The following NAALAD2 variants were observed in gnomAD, a reference collection of about 807,000 sequenced individuals.
The protein encoded by NAALAD2 is N-acetylated alpha-linked acidic dipeptidase 2, also known as N-acetylated-alpha-linked acidic dipeptidase 2.
Under a neutral mutation model 95.6 loss-of-function variants are expected in NAALAD2, and 89 were observed. The ratio of observed to expected loss-of-function variants is 0.93; its 90% CI spans 0.78 to 1.11. The LOEUF (loss-of-function observed/expected upper bound fraction) is 1.11, where lower values mean the gene tolerates loss of function less well. Ranked by LOEUF, NAALAD2 falls within the 50% of genes least tolerant of loss-of-function variation. NAALAD2 has a pLI of 0.00. For missense variants in NAALAD2, 894 were observed against 872.4 expected (o/e 1.02, Z -0.31); for synonymous variants, 264 against 294.4 (o/e 0.90, Z 1.06).
At position 90,177,941 on chromosome 11, in the gene NAALAD2, A is replaced by T; in HGVS notation, c.1682A>T (p.Lys561Ile). 6.2e-7 allele frequency: 1 copy of T among 1,613,972 alleles called. No homozygotes were observed. The highest frequency in any genetic ancestry group is 8.5e-7 in the Non-Finnish European group (1 of 1,179,972). ...LVEKFYDPTF[K>I]KQLSVAQLRG... The stretch of plus-strand genomic sequence containing the variant: ...GAGAAATTTTATGACCCCACATTTA[A>T]AAAACAACTTTCTGTGGCTCAATTA... The change falls in exon 16 of 19, where the codon AAA (lysine) becomes ATA (isoleucine). Residue 561 changes from lysine (K) to isoleucine (I), a missense_variant. Lys to Ile is a moderately radical substitution (Grantham distance 102). Coordinates refer to ENST00000534061, the MANE Select transcript of NAALAD2 (RefSeq NM_005467.4).
At chr11:90,135,442 T>A (rs1951430198) in intron 1 of NAALAD2, 117 bp from the exon 2 acceptor site, 7 of 522,138 alleles carry the variant, frequency 1.3e-5, no homozygotes, top group Middle Eastern at 3.0e-4. Context: ...CTCACCATGA[T>A]CTACTTGTCA....
intron 4 of NAALAD2, among the ~76,000 whole-genome samples, chr11:90,149,451 T>C (rs1565516382): frequency 6.6e-6 from 1 of 152,172 alleles, no homozygotes; most frequent in Non-Finnish European, 1.5e-5. Context: ...TTTGTTTTTT[T>C]GAGACAGAGT....
At chr11:90,138,266 T>C (rs749405072) in intron 2 of NAALAD2, among the ~76,000 whole-genome samples, 1 of 152,056 alleles carries the variant, frequency 6.6e-6, no homozygotes, top group East Asian at 1.9e-4. Flanking sequence ...AGTCTTCACA[T>C]TGAGTAGGCT....
At chr11:90,155,032 T>C (rs1238807671) in intron 6 of NAALAD2, among the ~76,000 whole-genome samples, 1 of 123,554 alleles carries the variant, frequency 8.1e-6, no homozygotes, top group East Asian at 2.1e-4. Context: ...ACATAATATG[T>C]ATATATGTGT....
chr11:90,190,204 A>ACAG (rs1338119016), intron 18 of NAALAD2, among the ~76,000 whole-genome samples: 5 of 151,506 alleles, frequency 3.3e-5, no homozygotes, highest in African/African-American at 1.2e-4. Context: ...GATTCTCACA[A>ACAG]TTCTTTTAGA....
At chr11:90,164,161 A>C in intron 11 of NAALAD2, 1 of 154,068 alleles carries the variant, frequency 6.5e-6, no homozygotes, top group Non-Finnish European at 1.4e-5. Flanking sequence ...TAATTCTGTG[A>C]ATTGAATTAC....
At chr11:90,159,435 TTTTCTC>T (rs1313662469) in intron 8 of NAALAD2, 98 bp downstream of exon 8, 9 of 831,934 alleles carry the variant, frequency 1.1e-5, no homozygotes, top group Middle Eastern at 3.1e-4. Flanking sequence ...GCTTATCTCT[TTTTCTC>T]TTTCTAAACA....
intron 6 of NAALAD2, among the ~76,000 whole-genome samples, chr11:90,154,835 A>G (rs950120174): frequency 2.7e-5 from 4 of 146,198 alleles, no homozygotes; most frequent in African/African-American, 1.0e-4. Context: ...GTAATGTTAC[A>G]TAGTATATAC....
At chr11:90,139,384 C>G (rs1427593678) in intron 2 of NAALAD2, among the ~76,000 whole-genome samples, 7 of 152,194 alleles carry the variant, frequency 4.6e-5, no homozygotes, top group Non-Finnish European at 8.8e-5. Context: ...TGCCTTAAAT[C>G]TCAGTGCTTA....
intron 18 of NAALAD2, among the ~76,000 whole-genome samples, chr11:90,184,363 T>C (rs1010961094): frequency 1.3e-5 from 2 of 152,136 alleles, no homozygotes; most frequent in African/African-American, 2.4e-5. Flanking sequence ...TTTTACTCAA[T>C]AGGCCTGTAG....
At chr11:90,143,679 A>G (rs1043044165) in intron 2 of NAALAD2, among the ~76,000 whole-genome samples, 1 of 152,150 alleles carries the variant, frequency 6.6e-6, no homozygotes, top group Non-Finnish European at 1.5e-5. Flanking sequence ...GTTAAACCCT[A>G]CAGACAGATA....
Position 90,192,048 on chromosome 11 carries a change from A to C in NAALAD2, c.*301A>C. The C allele has an allele frequency of 5.5e-6, 1 of 180,820 alleles. No individual in the cohort carries two copies. 11.2% of individuals were successfully genotyped at this position (180,820 alleles called of 1,614,324 possible). On this transcript the variant is annotated 3_prime_UTR_variant, in exon 19 of 19. Transcript: ENST00000534061. The stretch of plus-strand genomic sequence containing the variant: ...GACATTGTGAGTGTGGGAATGTAAA[A>C]TGGTAAAATCACTTTTGAAAACAGT...
chr11:90,190,307 C>G (rs1404751304), intron 18 of NAALAD2, among the ~76,000 whole-genome samples: 1 of 152,134 alleles, frequency 6.6e-6, no homozygotes, highest in African/African-American at 2.4e-5. Context: ...TGATAGTATT[C>G]TGTTGATAGT....
intron 11 of NAALAD2, among the ~76,000 whole-genome samples, chr11:90,168,620 T>C (rs1272229012): frequency 6.6e-6 from 1 of 152,214 alleles, no homozygotes; most frequent in Non-Finnish European, 1.5e-5. Context: ...GCCACATCCC[T>C]GCATAGTCTG....
intron 18 of NAALAD2, among the ~76,000 whole-genome samples, chr11:90,186,261 A>G (rs1857139172): frequency 6.7e-6 from 1 of 149,216 alleles, no homozygotes; most frequent in Non-Finnish European, 1.5e-5. Context: ...CCCACCTATG[A>G]GTGAGAATAT....
intron 16 of NAALAD2, 134 bp downstream of exon 16, chr11:90,178,251 AACTT>A: frequency 1.0e-6 from 1 of 988,284 alleles, no homozygotes; most frequent in South Asian, 1.7e-5. Context: ...TCTACACAAA[AACTT>A]AAAACAAACA....
In NAALAD2 at chr11:90,190,349, A is replaced by C. The variant is rs182995902; in HGVS notation, c.2034-1209A>C. ...GCTAGTATTCTGATTTTTAAAAAAC[A>C]GGCAGTCTCAGTCTACAACCTGCTC... is the stretch of plus-strand genomic sequence containing the variant. On this transcript the variant is annotated intron_variant, in intron 18 of 18. Transcript: ENST00000534061. Among the ~76,000 whole-genome samples the C allele has an allele frequency of 4.5e-3, 680 of 152,316 alleles. 8 individuals carry two copies. Among genetic ancestry groups the C allele is most frequent in the African/African-American group, 0.015 (640 of 41,564 alleles).
chr11:90,183,058 A>G (rs116948108), intron 18 of NAALAD2, 50 bp downstream of exon 18: 22,255 of 1,396,734 alleles, frequency 0.016, 238 homozygotes, highest in Non-Finnish European at 0.019. Context: ...AAACCAGCAT[A>G]CCTAAAGTTG....
At chr11:90,186,256 C>T (rs1464529916) in intron 18 of NAALAD2, among the ~76,000 whole-genome samples, 2 of 151,644 alleles carry the variant, frequency 1.3e-5, no homozygotes, top group Non-Finnish European at 2.9e-5. Flanking sequence ...CAATTCCCAC[C>T]TATGAGTGAG....
Sources: allele counts gnomAD v4.1 joint callset (sites outside exome capture counted in the v4.1 genomes callset), GRCh38; gene constraint gnomAD v4.1.1; transcripts MANE v1.5; gene names NCBI Gene and HGNC (gene_info 2026-07-23, HGNC 2026-07-21).